ZBTB40: variants seen among roughly 807,000 people sequenced by gnomAD.
The protein encoded by ZBTB40 is zinc finger and BTB domain-containing protein 40.
ZBTB40 carries 60 observed loss-of-function variants against 117.5 expected under a neutral mutation model. The observed-to-expected ratio is 0.51, with a 90% CI of 0.41 to 0.63. ZBTB40 has a LOEUF of 0.63. ZBTB40 is among the 30% of genes least tolerant of loss of function. The pLI, the probability that ZBTB40 is intolerant of heterozygous loss-of-function variation, is 0.00. For missense variants in ZBTB40, 1,287 were observed against 1,498.5 expected (o/e 0.86, Z 2.33); for synonymous variants, 525 against 577.1 (o/e 0.91, Z 1.29).
At chr1:22,444,641 G>T (rs1290187817) in intron 1 of ZBTB40, among the ~76,000 whole-genome samples, 1 of 152,192 alleles carries the variant, frequency 6.6e-6, no homozygotes, top group African/African-American at 2.4e-5. Flanking sequence ...CCTCAAGTGA[G>T]CATGCGTACG....
chr1:22,505,469 G>A (rs1231613615), intron 5 of ZBTB40, among the ~76,000 whole-genome samples: 3 of 152,116 alleles, frequency 2.0e-5, no homozygotes, highest in African/African-American at 7.2e-5. Flanking sequence ...AGAATCAGAG[G>A]AATGGATAAT....
At chr1:22,522,322 T>G in intron 15 of ZBTB40, 55 bp from the exon 16 acceptor site, 2 of 1,581,672 alleles carry the variant, frequency 1.3e-6, no homozygotes, top group Non-Finnish European at 1.7e-6. Context: ...TCTTCAGCCT[T>G]GGAGAGCCAA....
chr1:22,429,520 T>A (rs1379517966), intron 1 of ZBTB40, among the ~76,000 whole-genome samples: 1 of 152,218 alleles, frequency 6.6e-6, no homozygotes, highest in Non-Finnish European at 1.5e-5. Flanking sequence ...ACTTTCTTCC[T>A]CACCTTACCA....
intron 9 of ZBTB40, among the ~76,000 whole-genome samples, chr1:22,510,266 C>T (rs1169102066): frequency 6.6e-6 from 1 of 152,170 alleles, no homozygotes; most frequent in Non-Finnish European, 1.5e-5. Flanking sequence ...GTTTCTAACT[C>T]TCTCTGTGCA....
intron 3 of ZBTB40, among the ~76,000 whole-genome samples, chr1:22,497,951 A>G (rs990059778): frequency 6.6e-6 from 1 of 152,204 alleles, no homozygotes; most frequent in African/African-American, 2.4e-5. Flanking sequence ...TCAGCAGTCA[A>G]GGGAGGCCTG....
At chr1:22,449,455 A>C (rs1311329399), upstream of ZBTB40, among the ~76,000 whole-genome samples, 3 of 152,214 alleles carry the variant, frequency 2.0e-5, no homozygotes, top group African/African-American at 4.8e-5. Context: ...CAGAAGCCAG[A>C]GCCATTGCTC....
At chr1:22,444,352 A>G (rs1390613126) in intron 1 of ZBTB40, among the ~76,000 whole-genome samples, 1 of 152,152 alleles carries the variant, frequency 6.6e-6, no homozygotes, top group Non-Finnish European at 1.5e-5. Context: ...CCCAGGAGTC[A>G]GAGGTTGCAG....
At chr1:22,444,090 TCAGGTGGTTGTTACA>T in intron 1 of ZBTB40, among the ~76,000 whole-genome samples, 1 of 152,084 alleles carries the variant, frequency 6.6e-6, no homozygotes, top group Non-Finnish European at 1.5e-5. Flanking sequence ...CAGGTAATGG[TCAGGTGGTTGTTACA>T]CTGTCTCTCT....
At chr1:22,477,659 A>AT (rs1004969410) in intron 1 of ZBTB40, among the ~76,000 whole-genome samples, 1 of 151,942 alleles carries the variant, frequency 6.6e-6, no homozygotes, top group Admixed American at 6.6e-5. Flanking sequence ...AAAAAAAAAA[A>AT]AAAAGAAAAG....
chr1:22,494,512 A>G (rs1455221308), intron 3 of ZBTB40, among the ~76,000 whole-genome samples: 1 of 152,210 alleles, frequency 6.6e-6, no homozygotes, highest in Non-Finnish European at 1.5e-5. Flanking sequence ...TTGAGAATCT[A>G]CATATTTAAC....
In ZBTB40 at chr1:22,491,459, G is replaced by A. The variant is rs377437237; in HGVS notation, c.757G>A (p.Asp253Asn). 1.9e-6 allele frequency: 3 copies of A among 1,613,976 alleles called. No homozygotes were observed. Among genetic ancestry groups the A allele is most frequent in the Non-Finnish European group, 2.5e-6 (3 of 1,179,926 alleles). Residue 253 changes from aspartate (D) to asparagine (N), a missense_variant, in exon 3 of 18, where the codon GAT becomes AAT. This residue lies in a region of ZBTB40 where 870 missense variants were observed against 934.4 expected (regional missense o/e 0.93). Coordinates refer to ENST00000375647, the MANE Select transcript of ZBTB40 (RefSeq NM_014870.4). ...TCTAGAAAATGAAGGTGTCTTCTCA[G>A]ATGCACTCATGGTTACCCAGGATGT... ...FLLENEGVFS[D>N]ALMVTQDVLK...
intron 16 of ZBTB40, among the ~76,000 whole-genome samples, chr1:22,523,039 C>G (rs959518957): frequency 6.6e-6 from 1 of 150,796 alleles, no homozygotes; most frequent in East Asian, 2.0e-4. Flanking sequence ...GCTCCGTCTC[C>G]CAGGTTCACG....
intron 3 of ZBTB40, among the ~76,000 whole-genome samples, chr1:22,495,816 T>G (rs1024752425): frequency 1.3e-5 from 2 of 152,190 alleles, no homozygotes; most frequent in African/African-American, 4.8e-5. Flanking sequence ...GCACCCAGCC[T>G]TTTTTACGTT....
chr1:22,495,996 C>T (rs1033402850), intron 3 of ZBTB40, among the ~76,000 whole-genome samples: 1 of 152,182 alleles, frequency 6.6e-6, no homozygotes, highest in African/African-American at 2.4e-5. Context: ...CTGGCACTGG[C>T]ATTTTCCAGT....
intron 6 of ZBTB40, among the ~76,000 whole-genome samples, chr1:22,506,571 T>G (rs753225395): frequency 6.6e-6 from 1 of 152,190 alleles, no homozygotes; most frequent in Non-Finnish European, 1.5e-5. Context: ...GTCAGCCATA[T>G]TCGCAAATAG....
chr1:22,501,477 A>T lies in ZBTB40; in HGVS notation c.832-15A>T. 1.2e-6 allele frequency: 2 copies of T among 1,613,902 alleles called. No individual in the cohort carries two copies. Among genetic ancestry groups the T allele is most frequent in the Non-Finnish European group, 1.7e-6 (2 of 1,179,832 alleles). ...GGTTCGCTAATCTATCTTTCTGGGTACTTTTGTTCCATAGATGATAGTGAA... is the reference window on the plus strand; with the variant it reads ...GGTTCGCTAATCTATCTTTCTGGGTTCTTTTGTTCCATAGATGATAGTGAA... On this transcript the variant is annotated splice_polypyrimidine_tract_variant and intron_variant, in intron 3 of 17. Coordinates refer to ENST00000375647, the MANE Select transcript of ZBTB40 (RefSeq NM_014870.4).
intron 5 of ZBTB40, among the ~76,000 whole-genome samples, chr1:22,504,760 A>G (rs1289635092): frequency 4.6e-5 from 7 of 152,220 alleles, no homozygotes; most frequent in Non-Finnish European, 2.9e-5. Flanking sequence ...GAATTAAATA[A>G]CTTGCCCAAG....
intron 6 of ZBTB40, among the ~76,000 whole-genome samples, chr1:22,506,801 A>G (rs16827257): frequency 0.03 from 4,594 of 152,322 alleles, 144 homozygotes; most frequent in Admixed American, 0.069. Flanking sequence ...TTCCTAGCCT[A>G]TAAAAGTAGT....
intron 2 of ZBTB40, 140 bp from the exon 3 acceptor site, chr1:22,491,260 T>C: frequency 2.4e-6 from 2 of 835,318 alleles, no homozygotes; most frequent in Non-Finnish European, 3.8e-6. Context: ...GATACTGTTG[T>C]CTGTTATTCA....
Sources: gnomAD v4.1 joint callset for allele counts (sites outside exome capture counted in the v4.1 genomes callset) on GRCh38, gnomAD v4.1.1 for gene constraint, gnomAD v4.1.1 regional missense constraint, MANE v1.5 for transcripts, NCBI Gene and HGNC (gene_info 2026-07-23, HGNC 2026-07-21) for gene names.